NEBL: variants seen among roughly 807,000 people sequenced by gnomAD.
NEBL encodes LIM and SH3 protein 2.
In NEBL, 122 loss-of-function variants were observed where a neutral mutation model predicts 140.2. The observed-to-expected ratio is 0.87, with a 90% CI of 0.75 to 1.01. The LOEUF is 1.01. NEBL is among the 50% of genes least tolerant of loss of function. NEBL has a pLI of 0.00. For synonymous variants in NEBL, 436 were observed against 398.9 expected (o/e 1.09, Z -1.11); for missense variants, 1,365 against 1,231.3 (o/e 1.11, Z -1.62).
chr10:21,028,254 A>AGAAG (rs1554819369), intron 2 of NEBL, among the ~76,000 whole-genome samples: 3 of 70,342 alleles, frequency 4.3e-5, no homozygotes, highest in South Asian at 7.2e-4. Flanking sequence ...AAAAAAAAAA[A>AGAAG]AAGAAGAAGA....
At chr10:21,148,831 C>G (rs1840021259) in intron 2 of NEBL, among the ~76,000 whole-genome samples, 1 of 152,022 alleles carries the variant, frequency 6.6e-6, no homozygotes, top group Admixed American at 6.5e-5. Context: ...CGGCCCCTGT[C>G]CTCCTTTTGT....
At chr10:21,023,708 T>C (rs1412961490) in intron 2 of NEBL, among the ~76,000 whole-genome samples, 1 of 151,752 alleles carries the variant, frequency 6.6e-6, no homozygotes, top group East Asian at 1.9e-4. Flanking sequence ...AATAAATAAA[T>C]AAATAAATAA....
intron 21 of NEBL, among the ~76,000 whole-genome samples, chr10:20,815,995 T>A (rs962131805): frequency 6.6e-6 from 1 of 151,938 alleles, no homozygotes; most frequent in African/African-American, 2.4e-5. Flanking sequence ...CTGAAACTCC[T>A]GGGCTCAAGT....
chr10:21,059,546 T>C (rs746477653), intron 2 of NEBL, among the ~76,000 whole-genome samples: 9 of 152,362 alleles, frequency 5.9e-5, no homozygotes, highest in East Asian at 1.9e-4. Context: ...AACAACCTTA[T>C]ACTTTCTACC....
intron 1 of NEBL, among the ~76,000 whole-genome samples, chr10:21,257,154 T>C (rs1037155760): frequency 6.6e-6 from 1 of 152,244 alleles, no homozygotes; most frequent in African/African-American, 2.4e-5. Flanking sequence ...ATTAAAATTA[T>C]ATGACTTGGG....
rs200374470 is a variant in NEBL, at chr10:21,288,244, C to A, written n.182+4586G>T. Among the ~76,000 whole-genome samples the A allele has an allele frequency of 1.9e-4, 29 of 151,614 alleles. No individual in the cohort carries two copies. The East Asian group carries it at 5.7e-3, about 30-fold the overall frequency. On this transcript the variant is annotated intron_variant and non_coding_transcript_variant, in intron 1 of 8. Transcript: ENST00000675702. ...CAGCACTTTGGGAGGCCAAGGCGGG[C>A]GGATCACTAGGTCAGGAGTTCGAGA...
intron 2 of NEBL, among the ~76,000 whole-genome samples, chr10:21,121,491 C>T (rs1188480569): frequency 6.6e-6 from 1 of 152,324 alleles, no homozygotes; most frequent in South Asian, 2.1e-4. Flanking sequence ...GCTTAACTTT[C>T]TGCCTTCCAA....
chr10:20,950,855 T>C (rs1835424964), intron 4 of NEBL, among the ~76,000 whole-genome samples: 1 of 152,268 alleles, frequency 6.6e-6, no homozygotes, highest in Non-Finnish European at 1.5e-5. Context: ...TTTAAGGTTT[T>C]TTCCTGTATT....
At chr10:20,903,897 C>T (rs548460207) in intron 4 of NEBL, among the ~76,000 whole-genome samples, 4 of 150,986 alleles carry the variant, frequency 2.6e-5, no homozygotes, top group African/African-American at 4.9e-5. Context: ...TTAAAATCTA[C>T]GGATTGGGAA....
intron 1 of NEBL, among the ~76,000 whole-genome samples, chr10:21,288,822 A>C (rs369748219): frequency 1.4e-5 from 1 of 70,562 alleles, no homozygotes; most frequent in East Asian, 5.4e-4. Flanking sequence ...GTGTGTGTGT[A>C]TATATATATA....
At chr10:20,943,174 G>C (rs1485485284) in intron 4 of NEBL, among the ~76,000 whole-genome samples, 1 of 152,208 alleles carries the variant, frequency 6.6e-6, no homozygotes, top group East Asian at 1.9e-4. Flanking sequence ...CAATAGCAAA[G>C]ACTTGGAACC....
At position 20,823,297 on chromosome 10, in the gene NEBL, T is replaced by C; in HGVS notation, c.1873A>G (p.Lys625Glu). Residue 625 changes from lysine (K) to glutamate (E), a missense_variant, in exon 19 of 28, where the codon AAA (lysine) becomes GAA (glutamate). By Grantham distance (56) the Lys-to-Glu change is moderately conservative (BLOSUM62 1). Transcript: ENST00000377122. ...GCATGTTTAATCTCTTCTTTGTATT[T>C]CACCTGCATAATTTATAAGAATATA... ...KKNQQNISSV[K>E]YKEEIKHATA... 1 of 1,598,152 alleles carries C rather than the reference T, an allele frequency of 6.3e-7. No individual in the cohort carries two copies. The highest frequency in any genetic ancestry group is 8.6e-7 in the Non-Finnish European group (1 of 1,169,020).
chr10:21,133,064 A>G (rs563089045), intron 2 of NEBL, among the ~76,000 whole-genome samples: 1 of 152,308 alleles, frequency 6.6e-6, no homozygotes, highest in South Asian at 2.1e-4. Flanking sequence ...CAAAGTCACA[A>G]AGATTTACTC....
At chr10:20,852,167 G>T (rs1842607531) in intron 10 of NEBL, among the ~76,000 whole-genome samples, 1 of 152,024 alleles carries the variant, frequency 6.6e-6, no homozygotes, top group African/African-American at 2.4e-5. Context: ...ATTGAAATAA[G>T]AAATTATAAT....
intron 2 of NEBL, among the ~76,000 whole-genome samples, chr10:21,163,673 T>G (rs1180381299): frequency 6.6e-6 from 1 of 152,154 alleles, no homozygotes; most frequent in African/African-American, 2.4e-5. Context: ...AGTCTCAGAG[T>G]GCTAATCAAA....
chr10:21,203,306 T>C (rs10828210), intron 3 of NEBL, among the ~76,000 whole-genome samples: 29,035 of 152,078 alleles, frequency 0.19, 4,022 homozygotes, highest in African/African-American at 0.39. Context: ...CAAGCTCCCA[T>C]ATCAAAATTT....
chr10:21,188,598 CTTT>C (rs774673307), intron 3 of NEBL, among the ~76,000 whole-genome samples: 8 of 125,884 alleles, frequency 6.4e-5, no homozygotes, highest in Admixed American at 1.6e-4. Flanking sequence ...ATAGTAAAAT[CTTT>C]TTTTTTTTTT....
At chr10:20,954,388 A>G (rs1461817814) in intron 4 of NEBL, among the ~76,000 whole-genome samples, 2 of 152,232 alleles carry the variant, frequency 1.3e-5, no homozygotes, top group Non-Finnish European at 1.5e-5. Flanking sequence ...AAAAAAAGAC[A>G]CAGCCCATTT....
chr10:21,033,774 A>G (rs1257043799), intron 2 of NEBL, among the ~76,000 whole-genome samples: 3 of 151,826 alleles, frequency 2.0e-5, no homozygotes, highest in African/African-American at 7.3e-5. Flanking sequence ...AAGAAAAGAA[A>G]ATTGTATGAT....
Sources: gnomAD v4.1 joint callset for allele counts (sites outside exome capture counted in the v4.1 genomes callset) on GRCh38, gnomAD v4.1.1 for gene constraint, MANE v1.5 for transcripts, NCBI Gene and HGNC (gene_info 2026-07-23, HGNC 2026-07-21) for gene names.